ARHGAP32: variants seen among roughly 807,000 people sequenced by gnomAD.
The protein encoded by ARHGAP32 is rho GTPase-activating protein 32.
Under a neutral mutation model 186.5 loss-of-function variants are expected in ARHGAP32, and 51 were observed. The observed-to-expected ratio is 0.27, with a 90% CI of 0.22 to 0.35. The LOEUF is 0.35. Ranked by LOEUF, ARHGAP32 falls within the 10% of genes least tolerant of loss-of-function variation. The pLI is 1.00. For synonymous variants in ARHGAP32, 950 were observed against 964.3 expected, an observed-to-expected ratio of 0.99 and a Z score of 0.27; for missense variants, 2,186 against 2,623.5, an observed-to-expected ratio of 0.83 and a Z score of 3.64.
intron 18 of ARHGAP32, among the ~76,000 whole-genome samples, chr11:128,979,917 G>C (rs1398788911): frequency 1.3e-5 from 2 of 152,220 alleles, no homozygotes; most frequent in East Asian, 3.8e-4. Context: ...GAATTTCAGA[G>C]CTGGAAGGGA....
At chr11:129,179,368 T>C (rs536728642) in intron 1 of ARHGAP32, among the ~76,000 whole-genome samples, 7 of 152,318 alleles carry the variant, frequency 4.6e-5, no homozygotes, top group South Asian at 4.1e-4. Context: ...AGTTCAACCA[T>C]TGTGGAAGTC....
intron 1 of ARHGAP32, among the ~76,000 whole-genome samples, chr11:129,233,479 G>T (rs1944885650): frequency 6.6e-6 from 1 of 151,838 alleles, no homozygotes; most frequent in African/African-American, 2.4e-5. Flanking sequence ...TTTAAGAAAG[G>T]GCTCTGTCTA....
At chr11:128,975,323 G>A (rs187854355) in intron 20 of ARHGAP32, among the ~76,000 whole-genome samples, 170 of 152,216 alleles carry the variant, frequency 1.1e-3, no homozygotes, top group Non-Finnish European at 1.7e-3. Context: ...CTTTGGGCAA[G>A]TTTTTCATTT....
chr11:129,029,801 CAAAAAAAAAAA>C (rs34762356), intron 11 of ARHGAP32, among the ~76,000 whole-genome samples: 1 of 46,948 alleles, frequency 2.1e-5, no homozygotes, highest in Non-Finnish European at 3.3e-5. Flanking sequence ...GACTCCGTCT[CAAAAAAAAAAA>C]AAAAAAAAAA....
At chr11:129,235,360 G>T (rs6590369) in intron 1 of ARHGAP32, among the ~76,000 whole-genome samples, 97,283 of 151,806 alleles carry the variant, frequency 0.64, 31,588 homozygotes, top group Non-Finnish European at 0.71. Flanking sequence ...ACATTTACTG[G>T]GCTCCTCCCT....
At chr11:129,190,804 A>C (rs960963745) in intron 1 of ARHGAP32, among the ~76,000 whole-genome samples, 1 of 152,240 alleles carries the variant, frequency 6.6e-6, no homozygotes, top group Non-Finnish European at 1.5e-5. Context: ...GACACAAACC[A>C]TATTAAAAAG....
At chr11:129,091,538 T>G (rs1440157054) in intron 6 of ARHGAP32, among the ~76,000 whole-genome samples, 1 of 151,854 alleles carries the variant, frequency 6.6e-6, no homozygotes, top group Non-Finnish European at 1.5e-5. Flanking sequence ...GAAGAAAGGG[T>G]TAAGATGAAG....
At chr11:129,058,186 T>TAC (rs1402137812) in intron 10 of ARHGAP32, among the ~76,000 whole-genome samples, 5 of 96,566 alleles carry the variant, frequency 5.2e-5, no homozygotes, top group Non-Finnish European at 1.0e-4. Flanking sequence ...GAAAAAAAAA[T>TAC]ATACACACAC....
At chr11:129,206,070 A>T (rs1300933627) in intron 1 of ARHGAP32, among the ~76,000 whole-genome samples, 1 of 152,184 alleles carries the variant, frequency 6.6e-6, no homozygotes, top group East Asian at 1.9e-4. Context: ...ATATCATTTC[A>T]TTCGTAAATA....
chr11:128,979,415 T>G (rs1945648455), intron 18 of ARHGAP32, among the ~76,000 whole-genome samples: 1 of 152,224 alleles, frequency 6.6e-6, no homozygotes, highest in African/African-American at 2.4e-5. Context: ...GTAAGTACTA[T>G]TATTCTCATT....
At chr11:129,272,748 A>G (rs1945487394) in intron 1 of ARHGAP32, among the ~76,000 whole-genome samples, 1 of 152,252 alleles carries the variant, frequency 6.6e-6, no homozygotes, top group South Asian at 2.1e-4. Context: ...GCTAGAATAG[A>G]AGACCTGTAG....
At chr11:129,102,986 C>G in intron 5 of ARHGAP32, among the ~76,000 whole-genome samples, 1 of 152,152 alleles carries the variant, frequency 6.6e-6, no homozygotes. Context: ...TGCCCATCAA[C>G]AGATGACTGG....
chr11:129,063,981 G>A lies in ARHGAP32; in HGVS notation c.806C>T (p.Ser269Phe). The A allele has an allele frequency of 6.2e-7, 1 of 1,612,176 alleles. No individual in the cohort carries two copies. Among genetic ancestry groups the A allele is most frequent in the Non-Finnish European group, 8.5e-7 (1 of 1,178,866 alleles). ...GNHLLVHEESSINTPAVGAAH... is the reference protein window; with the variant it reads ...GNHLLVHEESFINTPAVGAAH... ...AGCACCGACAGCAGGAGTGTTGATG[G>A]ATGACTCCTCATGAACCAAAAGGTG... is the stretch of plus-strand genomic sequence containing the variant. The change falls in exon 9 of 23, where the codon TCC (serine) becomes TTC (phenylalanine). Residue 269 changes from serine to phenylalanine, a missense_variant. This residue lies in a region of ARHGAP32 where 308 missense variants were observed against 596.5 expected (regional missense o/e 0.52). Transcript: ENST00000682385.
intron 2 of ARHGAP32, among the ~76,000 whole-genome samples, chr11:129,157,385 A>C (rs1294055810): frequency 6.6e-6 from 1 of 152,134 alleles, no homozygotes; most frequent in Admixed American, 6.5e-5. Context: ...GATAACATAA[A>C]TTACTTGATG....
At chr11:129,234,635 C>T (rs1944903792) in intron 1 of ARHGAP32, among the ~76,000 whole-genome samples, 1 of 152,120 alleles carries the variant, frequency 6.6e-6, no homozygotes, top group South Asian at 2.1e-4. Flanking sequence ...GATCTCCCTA[C>T]TACTTACTCA....
At chr11:129,106,519 T>C (rs1942052940) in intron 5 of ARHGAP32, among the ~76,000 whole-genome samples, 1 of 151,916 alleles carries the variant, frequency 6.6e-6, no homozygotes, top group Non-Finnish European at 1.5e-5. Context: ...TGGGGACTAC[T>C]AGATAGGGGA....
At chr11:129,169,066 T>G (rs1263369581) in intron 1 of ARHGAP32, among the ~76,000 whole-genome samples, 1 of 152,040 alleles carries the variant, frequency 6.6e-6, no homozygotes, top group Non-Finnish European at 1.5e-5. Context: ...TTAGACAAGT[T>G]GAAAAATTAC....
rs189774800 is a variant in ARHGAP32 at position 129,035,761 on chromosome 11, T to G, written c.1045+5167A>C. 3.1e-4 allele frequency among the ~76,000 whole-genome samples: 47 copies of G among 152,044 alleles called. 1 individual carries two copies. Among genetic ancestry groups the G allele is most frequent in the African/African-American group, 1.1e-3 (47 of 41,466 alleles). ...CAGGAGGCAGAGGCAGGAGAATTGC[T>G]TGAACCTGGAAGGCGGAGGTTGCAG... On this transcript the variant is annotated intron_variant, in intron 11 of 22. Coordinates refer to ENST00000682385, the MANE Select transcript of ARHGAP32 (RefSeq NM_001378024.1).
chr11:129,141,257 A>G (rs1448079910), intron 2 of ARHGAP32, among the ~76,000 whole-genome samples: 1 of 151,688 alleles, frequency 6.6e-6, no homozygotes, highest in Non-Finnish European at 1.5e-5. Flanking sequence ...ATGTGCTTAT[A>G]CGGATGTTCT....
Sources: allele counts gnomAD v4.1 joint callset (sites outside exome capture counted in the v4.1 genomes callset), GRCh38; gene constraint gnomAD v4.1.1; regional missense constraint gnomAD v4.1.1; transcripts MANE v1.5; gene names NCBI Gene and HGNC (gene_info 2026-07-23, HGNC 2026-07-21).